Variants in RPP40 observed in about 807,000 individuals in gnomAD.
RPP40 encodes ribonuclease P/MRP subunit p40, also known as ribonuclease P protein subunit p40.
A neutral mutation model predicts 42.5 loss-of-function variants in RPP40; 30 were observed. The observed-to-expected ratio is 0.71, with a 90% CI of 0.53 to 0.96. RPP40 has a LOEUF of 0.96. Ranked by LOEUF, RPP40 falls within the 40% of genes least tolerant of loss-of-function variation. RPP40 has a pLI of 0.00. For missense variants in RPP40, 426 were observed against 433.5 expected (o/e 0.98, Z 0.15); for synonymous variants, 173 against 164.0 (o/e 1.05, Z -0.42).
downstream of RPP40, among the ~76,000 whole-genome samples, chr6:4,990,006 TC>T (rs1759241615): frequency 6.6e-6 from 1 of 152,244 alleles, no homozygotes; most frequent in Non-Finnish European, 1.5e-5. Context: ...CCTGATTTGT[TC>T]CTGACGTTGG....
At chr6:4,999,974 A>G in intron 3 of RPP40, 70 bp from the exon 4 acceptor site, 1 of 906,166 alleles carries the variant, frequency 1.1e-6, no homozygotes. Context: ...AAAAGAAAGC[A>G]AGGCAAATTG....
At chr6:4,990,807 C>T (rs1441807527), downstream of RPP40, among the ~76,000 whole-genome samples, 3 of 152,066 alleles carry the variant, frequency 2.0e-5, no homozygotes, top group African/African-American at 7.3e-5. Flanking sequence ...TGTTTTTAAA[C>T]TGTAATTTCA....
Position 5,002,092 on chromosome 6 carries a change from T to C in RPP40, c.268+9A>G. 1 of 1,609,674 alleles carries C rather than the reference T, an allele frequency of 6.2e-7. No homozygotes were observed. Among genetic ancestry groups the C allele is most frequent in the South Asian group, 1.1e-5 (1 of 90,254 alleles). On this transcript the variant is annotated intron_variant, in intron 2 of 7. Transcript: ENST00000380051. ...AGCCTTGTTCACAGCCATTTCAGGTTTTTCTTACCTTTCTTTATAAAGGTA... is the reference window on the plus strand; with the variant it reads ...AGCCTTGTTCACAGCCATTTCAGGTCTTTCTTACCTTTCTTTATAAAGGTA...
At chr6:4,993,757 A>G (rs1162080900), downstream of RPP40, among the ~76,000 whole-genome samples, 1 of 152,160 alleles carries the variant, frequency 6.6e-6, no homozygotes, top group Non-Finnish European at 1.5e-5. Context: ...TAGGCTCTCA[A>G]GTAAGATGTT....
intron 1 of RPP40, 85 bp from the exon 2 acceptor site, chr6:5,002,330 G>T: frequency 8.3e-7 from 1 of 1,207,104 alleles, no homozygotes; most frequent in Non-Finnish European, 1.2e-6. Flanking sequence ...AATCATGAAA[G>T]TTGTTATTTC....
chr6:4,995,164 C>T lies in RPP40; in HGVS notation c.1006G>A (p.Glu336Lys), dbSNP rs1759331411. ...KNEHGFRKGG[E>K]HLYNFVIFNN... ...AAAATCACAAAGTTATATAAATGTT[C>T]TCCTCCTTTTCGAAAACCATGTTCA... Residue 336 changes from glutamate (E) to lysine (K), a missense_variant, in exon 8 of 8, where the codon GAA becomes AAA. Transcript: ENST00000380051. 1.2e-6 allele frequency: 2 copies of T among 1,613,928 alleles called. No homozygotes were observed. Among genetic ancestry groups the T allele is most frequent in the South Asian group, 1.1e-5 (1 of 91,078 alleles).
At chr6:4,999,211 T>A (rs1006935752) in intron 4 of RPP40, among the ~76,000 whole-genome samples, 22 of 151,766 alleles carry the variant, frequency 1.4e-4, no homozygotes, top group African/African-American at 5.1e-4. Context: ...CTACTAGTAA[T>A]CATAAAGACT....
At chr6:4,999,483 G>A (rs1759482606) in intron 4 of RPP40, among the ~76,000 whole-genome samples, 1 of 151,988 alleles carries the variant, frequency 6.6e-6, no homozygotes, top group Non-Finnish European at 1.5e-5. Context: ...ATTTTTAGCA[G>A]AGATGGGGTT....
intron 5 of RPP40, among the ~76,000 whole-genome samples, chr6:4,997,955 T>C (rs910343369): frequency 6.6e-6 from 1 of 152,182 alleles, no homozygotes; most frequent in Non-Finnish European, 1.5e-5. Flanking sequence ...CAACTGAAAC[T>C]TCAATAAGCC....
intron 5 of RPP40, among the ~76,000 whole-genome samples, chr6:4,997,819 C>G (rs1759427253): frequency 6.6e-6 from 1 of 152,144 alleles, no homozygotes; most frequent in Admixed American, 6.6e-5. Flanking sequence ...ACCTAGTTAG[C>G]CTGCAAGTAT....
In RPP40 at chr6:5,000,611, A is replaced by G; in HGVS notation, c.289T>C (p.Tyr97His). Reference protein sequence around the residue: ...IKKGSCYALTYNTHIDEDNTV... With the variant: ...IKKGSCYALTHNTHIDEDNTV... ...TTATCTTCATCAATATGTGTATTGT[A>G]TGTTAGTGCATAGCAAGAACCTGGA... is the stretch of plus-strand genomic sequence containing the variant. Residue 97 changes from tyrosine to histidine, a missense_variant, in exon 3 of 8, where the codon TAC becomes CAC. Transcript: ENST00000380051. The G allele has an allele frequency of 1.3e-6, 2 of 1,589,288 alleles. No homozygotes were observed. The highest frequency in any genetic ancestry group is 2.2e-5 in the South Asian group (2 of 90,304).
chr6:4,993,951 C>T (rs1759297920), downstream of RPP40, among the ~76,000 whole-genome samples: 1 of 152,068 alleles, frequency 6.6e-6, no homozygotes, highest in Admixed American at 6.6e-5. Flanking sequence ...TCTGCAGCCC[C>T]TTCCCACCCC....
downstream of RPP40, among the ~76,000 whole-genome samples, chr6:4,990,013 G>T (rs990017798): frequency 6.6e-6 from 1 of 152,188 alleles, no homozygotes. Context: ...TGTTCCTGAC[G>T]TTGGGAAGGT....
At chr6:5,002,597 G>C (rs556642744) in intron 1 of RPP40, among the ~76,000 whole-genome samples, 3 of 152,136 alleles carry the variant, frequency 2.0e-5, no homozygotes, top group Non-Finnish European at 2.9e-5. Context: ...TAGTATAATT[G>C]AATATCCCTT....
intron 1 of RPP40, among the ~76,000 whole-genome samples, chr6:5,002,503 G>A (rs1749147): frequency 0.23 from 34,555 of 152,106 alleles, 4,048 homozygotes; most frequent in Admixed American, 0.28. Flanking sequence ...TGGAAAACTC[G>A]TGCTTGCATT....
chr6:4,998,266 A>C (rs983602839), intron 5 of RPP40, among the ~76,000 whole-genome samples: 50 of 152,344 alleles, frequency 3.3e-4, no homozygotes, highest in Non-Finnish European at 2.2e-4. Flanking sequence ...CTTTGAACTA[A>C]ATTTAGTGTC....
At chr6:5,001,969 G>A (rs145181295) in intron 2 of RPP40, 132 bp downstream of exon 2, 6 of 712,226 alleles carry the variant, frequency 8.4e-6, no homozygotes, top group African/African-American at 7.2e-5. Flanking sequence ...GGGGGAGAAC[G>A]CGTGTGCACC....
Position 4,999,871 on chromosome 6 carries a change from T to A in RPP40, c.371A>T (p.Tyr124Phe), listed in dbSNP as rs753396994. ...ATGACCCTGAAGTCCAGTTTCTTCA[T>A]AAGTGTCTTTATCCAGTGACAAAAT... Reference protein sequence around the residue: ...KLILSLDKDTYEETGLQGHPS... With the variant: ...KLILSLDKDTFEETGLQGHPS... The change falls in exon 4 of 8, where the codon TAT (tyrosine) becomes TTT (phenylalanine). Residue 124 changes from tyrosine (Y) to phenylalanine (F), a missense_variant. By Grantham distance (22) the Tyr-to-Phe change is conservative. Transcript: ENST00000380051. 5 of 1,608,882 alleles carry A rather than the reference T, an allele frequency of 3.1e-6. No individual in the cohort carries two copies. In the East Asian group the frequency reaches 1.1e-4, roughly 36 times the overall value.
chr6:5,000,196 CT>C (rs996804151), intron 3 of RPP40, among the ~76,000 whole-genome samples: 17 of 147,664 alleles, frequency 1.2e-4, no homozygotes, highest in Admixed American at 2.0e-4. Flanking sequence ...TGAATATCTT[CT>C]TTTTTTTTTT....
Sources: allele counts gnomAD v4.1 joint callset (sites outside exome capture counted in the v4.1 genomes callset), GRCh38; gene constraint gnomAD v4.1.1; transcripts MANE v1.5; gene names NCBI Gene and HGNC (gene_info 2026-07-23, HGNC 2026-07-21).